The following ANO7 variants were observed in gnomAD, a reference collection of about 807,000 sequenced individuals.
ANO7 encodes the protein anoctamin-7.
In ANO7, 114 loss-of-function variants were observed where a neutral mutation model predicts 115.8. The ratio of observed to expected loss-of-function variants is 0.98; its 90% CI spans 0.85 to 1.15. The LOEUF is 1.15. Ranked by LOEUF, ANO7 falls within the 50% of genes most tolerant of loss-of-function variation. The pLI is 0.00. For synonymous variants in ANO7, 550 were observed against 498.2 expected, an observed-to-expected ratio of 1.10 and a Z score of -1.38; for missense variants, 1,302 against 1,201.2, an observed-to-expected ratio of 1.08 and a Z score of -1.24.
At chr2:241,198,948 G>A in intron 4 of ANO7, 1 of 314,416 alleles carries the variant, frequency 3.2e-6, no homozygotes, top group South Asian at 3.3e-5. Context: ...GTTCGATGTT[G>A]AAAACCAAAA....
Position 241,195,767 on chromosome 2 carries a change from G to A in ANO7, c.231G>A (p.Arg77=). The change falls in exon 4 of 25, where the codon CGG becomes CGA. Residue 77 remains arginine, a synonymous_variant. Coordinates refer to ENST00000674324, the MANE Select transcript of ANO7 (RefSeq NM_001370694.2). ...KLDRQQDSAA[R]DRTDMHRTWR... ...ACAGGCAGCAGGACAGTGCCGCCCG[G>A]GACAGAACAGACATGCACAGGACCT... The A allele has an allele frequency of 1.2e-6, 2 of 1,614,282 alleles. No individual in the cohort carries two copies. Among genetic ancestry groups the A allele is most frequent in the Non-Finnish European group, 1.7e-6 (2 of 1,180,056 alleles).
rs183744161 is a variant in ANO7 at position 241,210,743 on chromosome 2, G to A, written c.1561+173G>A. ...TGCCCAAGCTGGAGTGCACTGGCAC[G>A]ATCATGGCTCACTGTAGCCTTGACC... On this transcript the variant is annotated intron_variant, in intron 15 of 24. Transcript: ENST00000674324. Among the ~76,000 whole-genome samples, 15 of 152,218 alleles carry A rather than the reference G, an allele frequency of 9.9e-5. No homozygotes were observed. The East Asian group carries it at 1.9e-3, about 20-fold the overall frequency.
At chr2:241,240,175 G>A in the ANO7 span, 1 of 1,556,828 alleles carries the variant, frequency 6.4e-7, no homozygotes, top group Non-Finnish European at 8.9e-7. The surrounding 1 kb of genome is among the most constrained non-coding windows in gnomAD (Gnocchi z 5.5). Context: ...CTGGACCACA[G>A]TGAGGAAGAC....
intron 20 of ANO7, 48 bp downstream of exon 20, chr2:241,217,939 G>GGGGCGGGGGCGCGCAGGGGC (rs2068880507): frequency 7.0e-4 from 3 of 4,286 alleles, no homozygotes; most frequent in Non-Finnish European, 8.8e-4. Context: ...GCGCAGGGGC[G>GGGGCGGGGGCGCGCAGGGGC]GGGGCGGGGG....
rs999616828 is a variant in ANO7 at position 241,203,458 on chromosome 2, G to T, written c.849G>T (p.Arg283Ser). The T allele has an allele frequency of 1.3e-6, 2 of 1,568,288 alleles. No homozygotes were observed. Among genetic ancestry groups the T allele is most frequent in the Admixed American group, 3.7e-5 (2 of 54,740 alleles). ...NKYQPLDHVR[R>S]YFGEKVALYF... Reference sequence around the variant, plus strand: ...ACCAGCCCCTGGACCACGTGCGCAGGTACTTCGGGGAGAAGGTGGCCCTCT... The same window carrying T: ...ACCAGCCCCTGGACCACGTGCGCAGTTACTTCGGGGAGAAGGTGGCCCTCT... Residue 283 changes from arginine to serine, a missense_variant, in exon 9 of 25, where the codon AGG becomes AGT. Transcript: ENST00000674324. The surrounding 1 kb of genome is among the most constrained non-coding windows in gnomAD (Gnocchi z 4.8).
In ANO7 at chr2:241,216,213, T is replaced by C. The variant is rs143919492; in HGVS notation, c.1947T>C (p.Gly649=). The part of the protein sequence containing the change: ...EDDYELVPCE[G]LFDEYLEMVL... ...ACTATGAGCTTGTGCCCTGTGAGGG[T>C]CTGTTTGACGAGTACCTGGAAATGG... Residue 649 remains glycine, a synonymous_variant, in exon 19 of 25, where the codon GGT becomes GGC. Coordinates refer to ENST00000674324, the MANE Select transcript of ANO7 (RefSeq NM_001370694.2). 6.2e-7 allele frequency: 1 copy of C among 1,608,728 alleles called. No individual in the cohort carries two copies. Among genetic ancestry groups the C allele is most frequent in the Non-Finnish European group, 8.5e-7 (1 of 1,178,336 alleles).
At chr2:241,230,092 G>A (rs1201189225), downstream of ANO7, 4 of 1,589,156 alleles carry the variant, frequency 2.5e-6, no homozygotes, top group African/African-American at 4.0e-5. The surrounding 1 kb of genome is among the most constrained non-coding windows in gnomAD (Gnocchi z 5.0). Flanking sequence ...GCTCCTGGCT[G>A]GGCCTCAGGC....
intron 17 of ANO7, among the ~76,000 whole-genome samples, chr2:241,214,517 GC>G (rs1460857720): frequency 2.0e-5 from 3 of 152,214 alleles, no homozygotes; most frequent in African/African-American, 7.2e-5. Context: ...GCTACAGTCA[GC>G]CCCATGTAAC....
At chr2:241,216,069 A>G (rs201932942) in intron 18 of ANO7, 24 bp from the exon 19 acceptor site, 1 of 1,587,490 alleles carries the variant, frequency 6.3e-7, no homozygotes, top group Non-Finnish European at 8.6e-7. Flanking sequence ...ATCAAAGGCC[A>G]TTTTCCTGTA....
the ANO7 span, among the ~76,000 whole-genome samples, chr2:241,237,567 G>A: frequency 6.6e-6 from 1 of 152,098 alleles, no homozygotes; most frequent in Non-Finnish European, 1.5e-5. Context: ...GAGAAAAACT[G>A]GCAAATTTGA....
chr2:241,232,302 G>C, the ANO7 span, among the ~76,000 whole-genome samples: 1 of 149,192 alleles, frequency 6.7e-6, no homozygotes, highest in Admixed American at 6.7e-5. Flanking sequence ...TAAAGACAGA[G>C]TCTCACTCTG....
intron 5 of ANO7, among the ~76,000 whole-genome samples, chr2:241,199,648 G>A (rs553758961): frequency 6.8e-4 from 104 of 152,318 alleles, no homozygotes; most frequent in African/African-American, 2.5e-3. Flanking sequence ...GGTGAACAGT[G>A]CGTGTGCACT....
chr2:241,212,963 T>C (rs1465103235), intron 17 of ANO7: 3 of 272,998 alleles, frequency 1.1e-5, no homozygotes, highest in Non-Finnish European at 2.1e-5. Flanking sequence ...TGAGTCCTCA[T>C]CGCCACAAAA....
chr2:241,192,214 A>G (rs900060054), intron 3 of ANO7, among the ~76,000 whole-genome samples: 2 of 152,120 alleles, frequency 1.3e-5, no homozygotes, highest in African/African-American at 4.8e-5. Context: ...AATTCCAGCT[A>G]CTCGGGAGGC....
chr2:241,230,221 T>A (rs1283726369), downstream of ANO7: 1 of 1,612,820 alleles, frequency 6.2e-7, no homozygotes, highest in African/African-American at 1.3e-5. This position sits in a 1 kb window ranked among gnomAD's most constrained non-coding sequence, Gnocchi z 5.0. Context: ...CCCGTCACAG[T>A]GACGCAGTTG....
At chr2:241,213,283 G>A (rs950093562) in intron 17 of ANO7, among the ~76,000 whole-genome samples, 4 of 152,280 alleles carry the variant, frequency 2.6e-5, no homozygotes, top group Non-Finnish European at 4.4e-5. Context: ...GCGTGCTGCC[G>A]CCATGGCTGT....
downstream of ANO7, chr2:241,228,774 C>CA (rs745427510): frequency 2.0e-5 from 3 of 153,054 alleles, no homozygotes; most frequent in Admixed American, 6.5e-5. Context: ...GCCCAGCTGT[C>CA]ATCTAAGGCA....
intron 10 of ANO7, 30 bp downstream of exon 10, chr2:241,204,985 C>T (rs1295551228): frequency 1.2e-6 from 2 of 1,601,232 alleles, no homozygotes; most frequent in East Asian, 2.2e-5. Context: ...AGCTCTGGGG[C>T]CTGGTGCTGG....
intron 7 of ANO7, 34 bp downstream of exon 7, chr2:241,201,389 C>G (rs975162259): frequency 6.2e-7 from 1 of 1,602,262 alleles, no homozygotes; most frequent in Admixed American, 1.7e-5. Context: ...GGCCCCAAAC[C>G]CTGACCTGGC....
Sources: gnomAD v4.1 joint callset for allele counts (sites outside exome capture counted in the v4.1 genomes callset) on GRCh38, gnomAD v4.1.1 for gene constraint, Gnocchi (gnomAD v3.1) non-coding constraint, MANE v1.5 for transcripts, NCBI Gene and HGNC (gene_info 2026-07-23, HGNC 2026-07-21) for gene names.